The following CCDC174 variants were observed in gnomAD, a reference collection of about 807,000 sequenced individuals.
The protein encoded by CCDC174 is coiled-coil domain containing 174, also known as coiled-coil domain-containing protein 174.
Under a neutral mutation model 57.1 loss-of-function variants are expected in CCDC174, and 37 were observed. The ratio of observed to expected loss-of-function variants is 0.65; its 90% confidence interval spans 0.50 to 0.85. CCDC174 has a LOEUF of 0.85. Among genes scored for constraint, CCDC174 ranks in the 40% least tolerant of loss-of-function variants. The pLI is 0.00. For missense variants in CCDC174, 540 were observed against 574.3 expected (o/e 0.94, Z 0.61); for synonymous variants, 182 against 190.2 (o/e 0.96, Z 0.35).
At chr3:14,666,706 A>G in intron 6 of CCDC174, 99 bp from the exon 7 acceptor site, 1 of 955,898 alleles carries the variant, frequency 1.0e-6, no homozygotes, top group Non-Finnish European at 1.5e-6. Context: ...TGTTTTCTTT[A>G]TCAAATAGTG....
At position 14,668,074 on chromosome 3, in the gene CCDC174, A is replaced by C; in HGVS notation, c.845A>C (p.Glu282Ala). The stretch of plus-strand genomic sequence containing the variant: ...ACAACAGATCAGAGAACAAAACGAG[A>C]AAACATAAAGGAAAAGCGAAAGGCT... ...EQTTDQRTKRENIKEKRKAIL... is the reference protein window; with the variant it reads ...EQTTDQRTKRANIKEKRKAIL... The change falls in exon 9 of 11, where the codon GAA (glutamate) becomes GCA (alanine). Residue 282 changes from glutamate to alanine, a missense_variant. Glu to Ala is a moderately radical substitution (Grantham distance 107, BLOSUM62 -1). Transcript: ENST00000383794. 1 of 1,600,410 alleles carries C rather than the reference A, an allele frequency of 6.2e-7. No individual in the cohort carries two copies. Among genetic ancestry groups the C allele is most frequent in the Non-Finnish European group, 8.5e-7 (1 of 1,175,910 alleles).
intron 2 of CCDC174, 44 bp from the exon 3 acceptor site, chr3:14,655,485 G>T: frequency 5.7e-6 from 7 of 1,217,604 alleles, no homozygotes; most frequent in South Asian, 5.4e-5. Context: ...GAGATTTTTT[G>T]GCAATCATGT....
chr3:14,656,544 C>T (rs534790578), intron 3 of CCDC174, among the ~76,000 whole-genome samples: 2 of 152,204 alleles, frequency 1.3e-5, no homozygotes, highest in Non-Finnish European at 1.5e-5. Flanking sequence ...CAGTTTGAGT[C>T]GTTATTGGTG....
At chr3:14,659,429 G>A (rs1385237358) in intron 4 of CCDC174, among the ~76,000 whole-genome samples, 4 of 152,138 alleles carry the variant, frequency 2.6e-5, no homozygotes, top group Non-Finnish European at 4.4e-5. Flanking sequence ...GCTTACGCTT[G>A]TAATTCCAGC....
rs1279224074 is a variant in CCDC174 at position 14,665,124 on chromosome 3, G to A, written c.581+1G>A. 3 of 1,603,882 alleles carry A rather than the reference G, an allele frequency of 1.9e-6. No homozygotes were observed. Among genetic ancestry groups the A allele is most frequent in the Non-Finnish European group, 2.6e-6 (3 of 1,170,628 alleles). ...TGGATAAAAATCTTCAGGGGAGACT[G>A]TAAGTGTGTGTGGTATACAGAGCTC... On this transcript the variant is annotated splice_donor_variant, in intron 6 of 10. Coordinates refer to ENST00000383794, the MANE Select transcript of CCDC174 (RefSeq NM_016474.5). LOFTEE classifies it high-confidence loss of function.
In CCDC174 at chr3:14,667,409, T is replaced by G; in HGVS notation, c.725-15T>G. The stretch of plus-strand genomic sequence containing the variant: ...AGGACAGTCTGATCTTTTGGGTAAT[T>G]CATACTTCTTTCAGAGGCCCGGCAA... On this transcript the variant is annotated splice_polypyrimidine_tract_variant and intron_variant, in intron 7 of 10. Coordinates refer to ENST00000383794, the MANE Select transcript of CCDC174 (RefSeq NM_016474.5). 6.2e-7 allele frequency: 1 copy of G among 1,607,214 alleles called. No individual in the cohort carries two copies.
At chr3:14,658,819 A>G in intron 3 of CCDC174, 52 bp from the exon 4 acceptor site, 4 of 1,516,234 alleles carry the variant, frequency 2.6e-6, no homozygotes, top group Non-Finnish European at 3.6e-6. Flanking sequence ...GGGGGCAACC[A>G]GGATGAACAG....
At chr3:14,667,330 C>T (rs868354625) in intron 7 of CCDC174, 94 bp from the exon 8 acceptor site, 3 of 932,762 alleles carry the variant, frequency 3.2e-6, no homozygotes, top group Middle Eastern at 4.4e-4. Context: ...CCAAATATCA[C>T]TGTGTTTCTT....
intron 6 of CCDC174, among the ~76,000 whole-genome samples, chr3:14,665,358 G>A (rs2031280445): frequency 6.6e-6 from 1 of 152,170 alleles, no homozygotes; most frequent in African/African-American, 2.4e-5. Context: ...CTTTTACTTG[G>A]AAGGATGTCT....
chr3:14,658,787 G>T (rs1328952717), intron 3 of CCDC174, 84 bp from the exon 4 acceptor site: 1 of 1,402,568 alleles, frequency 7.1e-7, no homozygotes, highest in Non-Finnish European at 9.7e-7. Flanking sequence ...TGGGCAGATG[G>T]TACCTGTCAG....
At chr3:14,653,772 A>G (rs1046150202) in intron 1 of CCDC174, among the ~76,000 whole-genome samples, 2 of 152,334 alleles carry the variant, frequency 1.3e-5, no homozygotes, top group South Asian at 4.1e-4. Flanking sequence ...TGGAGCTGTT[A>G]TAATTCACCC....
At chr3:14,663,298 C>T (rs1281156424) in intron 5 of CCDC174, among the ~76,000 whole-genome samples, 5 of 152,200 alleles carry the variant, frequency 3.3e-5, no homozygotes, top group African/African-American at 4.8e-5. Flanking sequence ...TGAGCCACCA[C>T]GCCTGGCCTA....
intron 5 of CCDC174, among the ~76,000 whole-genome samples, chr3:14,662,074 T>C (rs2031158331): frequency 6.6e-6 from 1 of 152,194 alleles, no homozygotes; most frequent in Non-Finnish European, 1.5e-5. Context: ...GCTGCTGCCT[T>C]ACCCGTGTTC....
At chr3:14,666,736 C>T in intron 6 of CCDC174, 69 bp from the exon 7 acceptor site, 1 of 1,272,528 alleles carries the variant, frequency 7.9e-7, no homozygotes, top group Non-Finnish European at 1.1e-6. Context: ...CATGATGCAA[C>T]TGACTGTACT....
chr3:14,669,984 C>A lies in CCDC174; in HGVS notation c.1003C>A (p.Pro335Thr). Reference protein sequence around the residue: ...LPPEPEAVPTPRPAAQSSKVE... With the variant: ...LPPEPEAVPTTRPAAQSSKVE... ...ACCGGAGCCAGAGGCTGTGCCAACC[C>A]CACGTCCTGCTGCCCAGAGTAGCAA... is the stretch of plus-strand genomic sequence containing the variant. Residue 335 changes from proline (P) to threonine (T), a missense_variant, in exon 10 of 11, where the codon CCA becomes ACA. Transcript: ENST00000383794. The A allele has an allele frequency of 6.2e-7, 1 of 1,613,624 alleles. No individual in the cohort carries two copies. Among genetic ancestry groups the A allele is most frequent in the Non-Finnish European group, 8.5e-7 (1 of 1,179,880 alleles).
At chr3:14,669,815 T>A (rs984040049) in intron 9 of CCDC174, 119 bp from the exon 10 acceptor site, 7 of 908,558 alleles carry the variant, frequency 7.7e-6, no homozygotes, top group Non-Finnish European at 1.2e-5. Context: ...GCCTGGGACA[T>A]GTTAGGTACT....
rs755505837 is a variant in CCDC174, at chr3:14,658,895, A to G, written c.273A>G (p.Lys91=). ...KAREKLEEKA[K]LYEKMTKGDF... ...GGGAAAAATTGGAAGAAAAAGCCAA[A>G]TTATATGAAAAAATGACTAAAGGAG... Residue 91 remains lysine (K), a synonymous_variant, in exon 4 of 11, where the codon AAA becomes AAG. Transcript: ENST00000383794. The G allele has an allele frequency of 1.5e-5, 23 of 1,533,458 alleles. 1 individual carries two copies. The South Asian group carries it at 2.6e-4, about 17-fold the overall frequency. 95.0% of individuals were successfully genotyped at this position (1,533,458 alleles called of 1,614,324 possible). A position where few individuals can be genotyped will look rare whatever the true frequency, so the allele number is the denominator to read the frequency against.
chr3:14,668,311 G>A, intron 9 of CCDC174, 130 bp downstream of exon 9: 3 of 848,366 alleles, frequency 3.5e-6, no homozygotes, highest in Non-Finnish European at 5.5e-6. Flanking sequence ...TACCTTTGAG[G>A]TACTGGCAGG....
At chr3:14,660,476 C>T (rs2031093854) in intron 4 of CCDC174, among the ~76,000 whole-genome samples, 1 of 152,148 alleles carries the variant, frequency 6.6e-6, no homozygotes, top group African/African-American at 2.4e-5. Context: ...TGCACTCTAG[C>T]CTGGGCGACG....
Sources: allele counts gnomAD v4.1 joint callset (sites outside exome capture counted in the v4.1 genomes callset), GRCh38; gene constraint gnomAD v4.1.1; transcripts MANE v1.5; gene names NCBI Gene and HGNC (gene_info 2026-07-23, HGNC 2026-07-21).